Variants in MSRA observed in about 807,000 individuals in gnomAD.
The protein encoded by MSRA is mitochondrial peptide methionine sulfoxide reductase.
In MSRA, 54 loss-of-function variants were observed where a neutral mutation model predicts 31.3. That is an observed-to-expected ratio of 1.73 (90% confidence interval 1.39 to 2.17). The LOEUF (loss-of-function observed/expected upper bound fraction) is 2.17. Ranked by LOEUF, MSRA falls within the 30% of genes most tolerant of loss-of-function variation. The pLI is 0.00. For missense variants in MSRA, 507 were observed against 300.9 expected (o/e 1.69, Z -5.07); for synonymous variants, 169 against 116.5 (o/e 1.45, Z -2.90).
chr8:10,321,405 G>T (rs543416235), intron 5 of MSRA, among the ~76,000 whole-genome samples: 1 of 152,188 alleles, frequency 6.6e-6, no homozygotes, highest in South Asian at 2.1e-4. Flanking sequence ...GGTGACTCAA[G>T]GTCAGTTCGA....
chr8:10,134,905 C>G (rs976685208), intron 1 of MSRA, among the ~76,000 whole-genome samples: 1 of 152,124 alleles, frequency 6.6e-6, no homozygotes, highest in Non-Finnish European at 1.5e-5. Flanking sequence ...GAGCTCTTGC[C>G]CCGGAGTGTT....
At chr8:10,102,548 T>G (rs1471673289) in intron 1 of MSRA, among the ~76,000 whole-genome samples, 3 of 152,220 alleles carry the variant, frequency 2.0e-5, no homozygotes, top group African/African-American at 7.2e-5. Context: ...ATGGCTACTT[T>G]CAAATCCTTG....
At chr8:10,413,524 G>A (rs942539172) in intron 5 of MSRA, among the ~76,000 whole-genome samples, 3 of 151,898 alleles carry the variant, frequency 2.0e-5, no homozygotes, top group African/African-American at 7.3e-5. Flanking sequence ...GAAACATGAC[G>A]GTATCCGTTA....
intron 5 of MSRA, among the ~76,000 whole-genome samples, chr8:10,402,368 G>A (rs1052504866): frequency 4.6e-5 from 7 of 152,228 alleles, no homozygotes; most frequent in East Asian, 1.9e-4. Context: ...GATGCTGAAC[G>A]CCAAATGTGG....
At chr8:10,392,888 TGCAAAAAAAAAA>T (rs1344875584) in intron 5 of MSRA, among the ~76,000 whole-genome samples, 3 of 8,378 alleles carry the variant, frequency 3.6e-4, no homozygotes, top group African/African-American at 1.3e-3. Flanking sequence ...CTACTAAAAA[TGCAAAAAAAAAA>T]AAAAAAAAAA....
intron 2 of MSRA, among the ~76,000 whole-genome samples, chr8:10,225,757 A>G (rs904880724): frequency 6.6e-6 from 1 of 152,136 alleles, no homozygotes; most frequent in Non-Finnish European, 1.5e-5. Context: ...GATGAGTGAC[A>G]CTCGGAGCCT....
intron 5 of MSRA, among the ~76,000 whole-genome samples, chr8:10,408,056 A>C (rs939720257): frequency 2.6e-5 from 4 of 152,132 alleles, no homozygotes; most frequent in Non-Finnish European, 5.9e-5. Flanking sequence ...ATTTTGTTTC[A>C]AGAGTAATCA....
intron 3 of MSRA, among the ~76,000 whole-genome samples, chr8:10,256,386 G>C (rs896005367): frequency 2.0e-5 from 3 of 152,022 alleles, no homozygotes; most frequent in African/African-American, 7.3e-5. Context: ...AGAATATCTT[G>C]GATGTCTCCA....
At chr8:10,104,148 C>G (rs1263803411) in intron 1 of MSRA, among the ~76,000 whole-genome samples, 1 of 152,096 alleles carries the variant, frequency 6.6e-6, no homozygotes, top group African/African-American at 2.4e-5. Flanking sequence ...CTTTGTGCTA[C>G]CCATGCTGTC....
At chr8:10,147,183 G>A (rs1803220774) in intron 1 of MSRA, among the ~76,000 whole-genome samples, 2 of 152,162 alleles carry the variant, frequency 1.3e-5, no homozygotes, top group African/African-American at 4.8e-5. Flanking sequence ...GGGTCCTCAG[G>A]TTTGAGCCAG....
chr8:10,171,301 T>A (rs1255882347), intron 1 of MSRA, among the ~76,000 whole-genome samples: 1 of 151,860 alleles, frequency 6.6e-6, no homozygotes, highest in Non-Finnish European at 1.5e-5. Flanking sequence ...TCCTGTACAC[T>A]CCCTAGTCCT....
At chr8:10,156,532 T>C (rs1476787895) in intron 1 of MSRA, among the ~76,000 whole-genome samples, 1 of 152,186 alleles carries the variant, frequency 6.6e-6, no homozygotes, top group Non-Finnish European at 1.5e-5. Context: ...CTATATCGTT[T>C]GTTTCTGTAG....
chr8:10,142,166 C>G (rs913178760), intron 1 of MSRA, among the ~76,000 whole-genome samples: 11 of 152,306 alleles, frequency 7.2e-5, no homozygotes, highest in African/African-American at 2.4e-4. Flanking sequence ...CCATGTTGGT[C>G]AGGCTGGTCT....
chr8:10,276,236 G>C (rs1173658100), intron 3 of MSRA, among the ~76,000 whole-genome samples: 1 of 152,246 alleles, frequency 6.6e-6, no homozygotes. Context: ...TGGAGCAGCT[G>C]TTTGGGGCTC....
intron 5 of MSRA, among the ~76,000 whole-genome samples, chr8:10,375,873 C>T (rs1038001777): frequency 6.6e-6 from 1 of 152,230 alleles, no homozygotes; most frequent in Non-Finnish European, 1.5e-5. Context: ...GACCCGACTT[C>T]TTTGCACTGG....
chr8:10,189,014 T>C (rs1041227422), intron 1 of MSRA, among the ~76,000 whole-genome samples: 32 of 152,336 alleles, frequency 2.1e-4, no homozygotes, highest in African/African-American at 7.2e-4. Flanking sequence ...ATCTTTCCAT[T>C]GATTTCTATA....
chr8:10,313,921 G>A (rs1801575037), intron 4 of MSRA, among the ~76,000 whole-genome samples: 1 of 152,162 alleles, frequency 6.6e-6, no homozygotes, highest in Non-Finnish European at 1.5e-5. Flanking sequence ...GGAAATAATG[G>A]CTTCTTAATC....
At chr8:10,388,676 AC>A (rs1806544978) in intron 5 of MSRA, among the ~76,000 whole-genome samples, 1 of 151,946 alleles carries the variant, frequency 6.6e-6, no homozygotes, top group African/African-American at 2.4e-5. Context: ...ACACAGTCCA[AC>A]CCCTTCTTTG....
At chr8:10,127,899 C>T (rs1801615525) in intron 1 of MSRA, among the ~76,000 whole-genome samples, 1 of 151,790 alleles carries the variant, frequency 6.6e-6, no homozygotes, top group African/African-American at 2.4e-5. Context: ...TTTTTATTGC[C>T]TTCACGTGGG....
Sources: allele counts gnomAD v4.1 joint callset (sites outside exome capture counted in the v4.1 genomes callset), GRCh38; gene constraint gnomAD v4.1.1; transcripts MANE v1.5; gene names NCBI Gene and HGNC (gene_info 2026-07-23, HGNC 2026-07-21).